Variants in ZNF385D observed in about 807,000 individuals in gnomAD.
ZNF385D encodes zinc finger protein 385D, also known as zinc finger protein 659.
Under a neutral mutation model 35.8 loss-of-function variants are expected in ZNF385D, and 15 were observed. The observed-to-expected ratio is 0.42, with a 90% CI of 0.28 to 0.64. ZNF385D has a LOEUF of 0.64. Among genes scored for constraint, ZNF385D ranks in the 30% least tolerant of loss-of-function variants. The pLI, the probability that ZNF385D is intolerant of heterozygous loss-of-function variation, is 0.23. For missense variants in ZNF385D, 474 were observed against 494.6 expected (o/e 0.96, Z 0.39); for synonymous variants, 212 against 186.8 (o/e 1.13, Z -1.10).
At chr3:21,598,122 A>T (rs1008099889) in intron 2 of ZNF385D, among the ~76,000 whole-genome samples, 8 of 152,180 alleles carry the variant, frequency 5.3e-5, no homozygotes, top group South Asian at 2.1e-4. Flanking sequence ...ATCATAGGAG[A>T]TAATCATTAG....
intron 3 of ZNF385D, among the ~76,000 whole-genome samples, chr3:21,931,367 C>T (rs1282538242): frequency 6.6e-6 from 1 of 152,120 alleles, no homozygotes; most frequent in Non-Finnish European, 1.5e-5. Flanking sequence ...GGTATGATCA[C>T]CTCAGAAAAT....
Position 21,884,807 on chromosome 3 carries a change from G to A in ZNF385D, c.326-219779C>T, listed in dbSNP as rs555921396. 1.6e-4 allele frequency among the ~76,000 whole-genome samples: 24 copies of A among 152,106 alleles called. No individual in the cohort carries two copies. The South Asian group carries it at 2.9e-3, about 18-fold the overall frequency. On this transcript the variant is annotated intron_variant, in intron 3 of 5. Transcript: ENST00000494108. The stretch of plus-strand genomic sequence containing the variant: ...ATTGACCATATGGCAATATTTACAC[G>A]GTGGAAATTGGCAAACATTTTAAAT...
intron 3 of ZNF385D, chr3:21,878,194 G>T (rs1221028009): frequency 6.6e-6 from 1 of 151,918 alleles, no homozygotes; most frequent in African/African-American, 2.4e-5. Context: ...TACACATGAG[G>T]AAACTAAGGT....
intron 3 of ZNF385D, among the ~76,000 whole-genome samples, chr3:22,097,094 G>C (rs1486171452): frequency 6.7e-6 from 1 of 148,624 alleles, no homozygotes; most frequent in East Asian, 1.9e-4. Context: ...CATGAGAAAT[G>C]AATTGTCCAT....
intron 3 of ZNF385D, among the ~76,000 whole-genome samples, chr3:22,061,079 TC>T (rs1435909850): frequency 6.6e-6 from 1 of 152,106 alleles, no homozygotes; most frequent in Non-Finnish European, 1.5e-5. Context: ...TTACTAGAGC[TC>T]GGGTAACAGG....
intron 3 of ZNF385D, among the ~76,000 whole-genome samples, chr3:21,769,739 T>G (rs1343215544): frequency 7.3e-6 from 1 of 136,354 alleles, no homozygotes; most frequent in Non-Finnish European, 1.6e-5. Context: ...AAAACTACTT[T>G]AAAGTTCATA....
chr3:22,359,883 G>A (rs1241588966), intron 2 of ZNF385D, among the ~76,000 whole-genome samples: 1 of 151,686 alleles, frequency 6.6e-6, no homozygotes, highest in Non-Finnish European at 1.5e-5. Context: ...TGTGTTATAA[G>A]AGAGAATTAG....
rs1398785686 is a variant in ZNF385D at position 21,465,757 on chromosome 3, A to G, written c.440-28554T>C. ...AATTTGTTTCTTTATCACCCATTTT[A>G]TGTTTGTAATTAATCATGCAGTAGA... On this transcript the variant is annotated intron_variant, in intron 4 of 7. Coordinates refer to ENST00000281523, the MANE Select transcript of ZNF385D (RefSeq NM_024697.3). The surrounding 1 kb of genome is among the most constrained non-coding windows in gnomAD (Gnocchi z 4.2). Among the ~76,000 whole-genome samples, 2 of 151,958 alleles carry G rather than the reference A, an allele frequency of 1.3e-5. No homozygotes were observed. Among genetic ancestry groups the G allele is most frequent in the East Asian group, 1.9e-4 (1 of 5,164 alleles).
intron 3 of ZNF385D, among the ~76,000 whole-genome samples, chr3:21,995,305 C>G (rs1339284472): frequency 6.6e-6 from 1 of 152,208 alleles, no homozygotes; most frequent in Admixed American, 6.5e-5. Context: ...GGTCAATTCC[C>G]AGGCCCCCAT....
rs115866812 is a variant in ZNF385D, at chr3:22,227,551, A to G, written c.107-58516T>C. Among the ~76,000 whole-genome samples the G allele has an allele frequency of 4.8e-3, 736 of 152,280 alleles. 10 individuals are homozygous for G. Among genetic ancestry groups the G allele is most frequent in the African/African-American group, 0.017 (689 of 41,560 alleles). On this transcript the variant is annotated intron_variant, in intron 2 of 5. Transcript: ENST00000494108. ...ATCATGAACAACAAATGAAGTCTCC[A>G]TAAAAGGCCTAAAGTGAGGTAGGAT... is the stretch of plus-strand genomic sequence containing the variant.
intron 3 of ZNF385D, among the ~76,000 whole-genome samples, chr3:22,010,692 C>A (rs1473050310): frequency 8.5e-5 from 13 of 152,156 alleles, no homozygotes; most frequent in Admixed American, 8.5e-4. Flanking sequence ...ATCCCAGACT[C>A]ACCTCGCTCA....
At chr3:22,222,605 T>A (rs565390501) in intron 2 of ZNF385D, among the ~76,000 whole-genome samples, 1 of 152,192 alleles carries the variant, frequency 6.6e-6, no homozygotes, top group African/African-American at 2.4e-5. Context: ...GGACTAGCTA[T>A]ACGACTGTGG....
intron 2 of ZNF385D, among the ~76,000 whole-genome samples, chr3:22,195,639 C>T (rs1417559975): frequency 6.6e-6 from 1 of 151,902 alleles, no homozygotes; most frequent in Non-Finnish European, 1.5e-5. Flanking sequence ...AATGACTATA[C>T]TTTTTACACT....
intron 2 of ZNF385D, among the ~76,000 whole-genome samples, chr3:22,208,197 T>A (rs1300246307): frequency 1.3e-5 from 2 of 151,926 alleles, no homozygotes; most frequent in East Asian, 3.9e-4. Context: ...TAAGTGTCCA[T>A]CAAGACTCAA....
chr3:22,135,333 T>TA lies in ZNF385D; in HGVS notation c.325+33483dup, dbSNP rs745529898. On this transcript the variant is annotated intron_variant, in intron 3 of 5. Transcript: ENST00000494108. ...ACACACATACCCCAACATACACACA[T>TA]ACCCCAACATACACACATAACTTAT... Among the ~76,000 whole-genome samples, 10 of 151,844 alleles carry TA rather than the reference T, an allele frequency of 6.6e-5. 1 individual carries two copies. Among genetic ancestry groups the TA allele is most frequent in the East Asian group, 3.9e-4 (2 of 5,142 alleles).
At chr3:21,758,690 G>A (rs568461528) in intron 3 of ZNF385D, among the ~76,000 whole-genome samples, 13 of 151,966 alleles carry the variant, frequency 8.6e-5, no homozygotes, top group African/African-American at 2.7e-4. Context: ...AGTAAGAAGC[G>A]TTACACACTT....
chr3:21,735,893 C>G (rs780611809), intron 1 of ZNF385D, among the ~76,000 whole-genome samples: 8 of 152,204 alleles, frequency 5.3e-5, no homozygotes, highest in African/African-American at 1.9e-4. Context: ...AAGACTCTAA[C>G]AGCAAGGGCT....
At chr3:21,637,566 G>T (rs1317818958) in intron 2 of ZNF385D, among the ~76,000 whole-genome samples, 1 of 152,094 alleles carries the variant, frequency 6.6e-6, no homozygotes, top group East Asian at 1.9e-4. Context: ...TGTTATTTTT[G>T]CTTAGTCTTG....
chr3:21,858,105 T>C (rs1403727561), intron 3 of ZNF385D, among the ~76,000 whole-genome samples: 1 of 140,742 alleles, frequency 7.1e-6, no homozygotes, highest in East Asian at 2.1e-4. Flanking sequence ...GAGGTTGCAG[T>C]GGGCCAAGAT....
Sources: gnomAD v4.1 joint callset for allele counts (sites outside exome capture counted in the v4.1 genomes callset) on GRCh38, gnomAD v4.1.1 for gene constraint, Gnocchi (gnomAD v3.1) non-coding constraint, MANE v1.5 for transcripts, NCBI Gene and HGNC (gene_info 2026-07-23, HGNC 2026-07-21) for gene names.